The following SHROOM2 variants were observed in gnomAD, a reference collection of about 807,000 sequenced individuals.
SHROOM2 encodes shroom family member 2, also known as protein Shroom2.
Under a neutral mutation model 75.9 loss-of-function variants are expected in SHROOM2, and 33 were observed. The observed-to-expected ratio is 0.43, with a 90% CI of 0.33 to 0.58. SHROOM2 has a LOEUF of 0.58. SHROOM2 is among the 20% of genes least tolerant of loss of function. SHROOM2 has a pLI of 0.04. For synonymous variants in SHROOM2, 655 were observed against 663.6 expected (o/e 0.99, Z 0.20); for missense variants, 1,434 against 1,461.2 (o/e 0.98, Z 0.30).
At chrX:9,942,468 G>A (rs369947870) in intron 8 of SHROOM2, among the ~76,000 whole-genome samples, 1 of 112,117 alleles carries the variant, frequency 8.9e-6, no homozygotes, top group East Asian at 2.8e-4. Flanking sequence ...GCAAGTCTGA[G>A]TCTCAGGGAC....
intron 1 of SHROOM2, among the ~76,000 whole-genome samples, chrX:9,820,830 T>G (rs573200520): frequency 1.8e-5 from 2 of 112,645 alleles, no homozygotes; most frequent in South Asian, 7.3e-4. Context: ...CAGACTTCTG[T>G]AAAGGGCCAG....
At chrX:9,789,258 G>A (rs757018) in intron 1 of SHROOM2, among the ~76,000 whole-genome samples, 56,788 of 110,308 alleles carry the variant, frequency 0.51, 11,063 homozygotes, top group Non-Finnish European at 0.61. Flanking sequence ...TACTCTCTGG[G>A]TCTAGTTTGA....
chrX:9,787,098 C>T (rs1251042536), intron 1 of SHROOM2, among the ~76,000 whole-genome samples: 1 of 111,787 alleles, frequency 8.9e-6, no homozygotes, highest in Non-Finnish European at 1.9e-5. Context: ...GTCCCTGGTT[C>T]GGCACCCCTT....
chrX:9,819,979 T>C (rs2034496160), intron 1 of SHROOM2, among the ~76,000 whole-genome samples: 1 of 108,420 alleles, frequency 9.2e-6, no homozygotes, highest in African/African-American at 3.4e-5. Flanking sequence ...ATTTTTATTT[T>C]TAGTAGAGAT....
intron 5 of SHROOM2, 85 bp downstream of exon 5, chrX:9,898,375 C>A: frequency 1.3e-6 from 1 of 758,492 alleles, no homozygotes; most frequent in Non-Finnish European, 1.9e-6. Flanking sequence ...GTTAACATGG[C>A]TAGATGTCTG....
At chrX:9,854,935 G>T (rs140900222) in intron 1 of SHROOM2, among the ~76,000 whole-genome samples, 3,171 of 110,776 alleles carry the variant, frequency 0.029, 94 homozygotes, top group African/African-American at 0.083. Flanking sequence ...AGAATGCCAC[G>T]GGTGAGTCTG....
intron 1 of SHROOM2, among the ~76,000 whole-genome samples, chrX:9,794,847 G>A (rs2083686338): frequency 3.6e-5 from 4 of 111,667 alleles, no homozygotes; most frequent in African/African-American, 9.8e-5. Flanking sequence ...ACCCTCCCCA[G>A]TGATGAAATA....
intron 1 of SHROOM2, among the ~76,000 whole-genome samples, chrX:9,808,587 C>T (rs964034573): frequency 3.6e-5 from 4 of 109,795 alleles, no homozygotes; most frequent in South Asian, 3.9e-4. Flanking sequence ...AATGGTTGGG[C>T]GCAGTGGTTC....
chrX:9,924,084 C>T (rs1163247340), intron 5 of SHROOM2, among the ~76,000 whole-genome samples: 1 of 112,199 alleles, frequency 8.9e-6, no homozygotes, highest in African/African-American at 3.2e-5. Flanking sequence ...TCCTGGCATA[C>T]AGGGAGCAGC....
chrX:9,900,193 T>C (rs2084358304), intron 5 of SHROOM2, among the ~76,000 whole-genome samples: 2 of 110,911 alleles, frequency 1.8e-5, no homozygotes, highest in Admixed American at 1.9e-4. Flanking sequence ...TTTTCAGAAT[T>C]GTTGGGTGCG....
chrX:9,914,620 A>T (rs1056145532), intron 5 of SHROOM2, among the ~76,000 whole-genome samples: 4 of 110,901 alleles, frequency 3.6e-5, no homozygotes, highest in Non-Finnish European at 7.5e-5. Context: ...TCCTAGAGTT[A>T]TTTACTTATT....
intron 1 of SHROOM2, among the ~76,000 whole-genome samples, chrX:9,823,756 C>CTTTTTTTTTTTTTT (rs1293537759): frequency 1.2e-5 from 1 of 85,912 alleles, no homozygotes. Flanking sequence ...TTTCTTTTTT[C>CTTTTTTTTTTTTTT]TTTTTTCTTT....
chrX:9,862,199 C>T (rs904664353), intron 1 of SHROOM2, among the ~76,000 whole-genome samples: 3 of 111,319 alleles, frequency 2.7e-5, no homozygotes, highest in African/African-American at 9.8e-5. Context: ...TATCTATTAT[C>T]GACGAATTAT....
chrX:9,869,978 G>A (rs1218155100), intron 1 of SHROOM2, among the ~76,000 whole-genome samples: 1 of 111,655 alleles, frequency 9.0e-6, no homozygotes, highest in African/African-American at 3.3e-5. Context: ...AGCACTTTGC[G>A]AGGCCAAGGC....
intron 5 of SHROOM2, among the ~76,000 whole-genome samples, chrX:9,916,672 C>G (rs2084493676): frequency 8.9e-6 from 1 of 112,328 alleles, no homozygotes; most frequent in African/African-American, 3.2e-5. Flanking sequence ...TTTTAACTTG[C>G]ATTTCTTCAG....
intron 1 of SHROOM2, among the ~76,000 whole-genome samples, chrX:9,809,338 G>A (rs2083778884): frequency 9.0e-6 from 1 of 110,867 alleles, no homozygotes; most frequent in Admixed American, 9.7e-5. Flanking sequence ...CTTTTTGTCT[G>A]CTTTAGATTA....
At chrX:9,879,627 T>A (rs2084220499) in intron 2 of SHROOM2, among the ~76,000 whole-genome samples, 1 of 112,840 alleles carries the variant, frequency 8.9e-6, no homozygotes, top group South Asian at 3.6e-4. Flanking sequence ...AATTGTTTTA[T>A]TTTGGGGAAA....
intron 1 of SHROOM2, among the ~76,000 whole-genome samples, chrX:9,801,381 A>T (rs915680882): frequency 9.0e-6 from 1 of 111,699 alleles, no homozygotes; most frequent in African/African-American, 3.3e-5. Flanking sequence ...AAAGTTCTTC[A>T]TGCTTTAGCA....
chrX:9,944,851 C>T lies in SHROOM2; in HGVS notation c.4522C>T (p.Arg1508Cys). ...GAACCTCCTGCTGTCGCTGTCAGGC[C>T]GCCTGGCCCGGGTGGAGAATGCCCT... ...VVNLLLSLSG[R>C]LARVENALNN... The change falls in exon 9 of 10, where the codon CGC becomes TGC. Residue 1508 changes from arginine (R) to cysteine (C), a missense_variant. Arg to Cys is a radical substitution (Grantham distance 180, BLOSUM62 -3). Coordinates refer to ENST00000380913, the MANE Select transcript of SHROOM2 (RefSeq NM_001649.4). The T allele has an allele frequency of 3.3e-6, 4 of 1,211,173 alleles. No individual in the cohort carries two copies. Among genetic ancestry groups the T allele is most frequent in the Middle Eastern group, 2.3e-4 (1 of 4,353 alleles).
Sources: allele counts gnomAD v4.1 joint callset (sites outside exome capture counted in the v4.1 genomes callset), GRCh38; gene constraint gnomAD v4.1.1; transcripts MANE v1.5; gene names NCBI Gene and HGNC (gene_info 2026-07-23, HGNC 2026-07-21).